AAGAB: variants seen among roughly 807,000 people sequenced by gnomAD.
AAGAB encodes the protein alpha and gamma adaptin binding protein, also known as alpha- and gamma-adaptin-binding protein p34.
Under a neutral mutation model 44.1 loss-of-function variants are expected in AAGAB, and 38 were observed. The ratio of observed to expected loss-of-function variants is 0.86; its 90% CI spans 0.67 to 1.13. The LOEUF is 1.13. AAGAB is among the 50% of genes most tolerant of loss of function. The pLI, the probability that AAGAB is intolerant of heterozygous loss-of-function variation, is 0.00. For synonymous variants in AAGAB, 131 were observed against 131.8 expected (o/e 0.99, Z 0.04); for missense variants, 450 against 373.8 (o/e 1.20, Z -1.68).
intron 5 of AAGAB, among the ~76,000 whole-genome samples, chr15:67,216,217 G>A (rs1963941197): frequency 6.6e-6 from 1 of 152,028 alleles, no homozygotes; most frequent in South Asian, 2.1e-4. Context: ...GCCGAGGCAG[G>A]AGGATCACGA....
intron 5 of AAGAB, among the ~76,000 whole-genome samples, chr15:67,229,613 G>C (rs1964288750): frequency 6.6e-6 from 1 of 152,098 alleles, no homozygotes; most frequent in African/African-American, 2.4e-5. Context: ...GATGGAGAGA[G>C]GGGAAGAAAA....
intron 1 of AAGAB, among the ~76,000 whole-genome samples, chr15:67,244,432 A>T (rs1285268107): frequency 6.6e-6 from 1 of 152,214 alleles, no homozygotes; most frequent in South Asian, 2.1e-4. Flanking sequence ...TGCAAATTAT[A>T]TATCAATAAG....
intron 1 of AAGAB, among the ~76,000 whole-genome samples, chr15:67,239,416 C>T (rs1343626255): frequency 6.6e-6 from 1 of 152,162 alleles, no homozygotes; most frequent in African/African-American, 2.4e-5. Flanking sequence ...ATGATTAAGA[C>T]ATTTACTTAA....
At chr15:67,210,219 T>C in intron 5 of AAGAB, among the ~76,000 whole-genome samples, 1 of 152,134 alleles carries the variant, frequency 6.6e-6, no homozygotes, top group Admixed American at 6.5e-5. Flanking sequence ...TGAATGCTTT[T>C]TGAAAAAAGT....
chr15:67,254,615 G>T lies in AAGAB; in HGVS notation c.17C>A (p.Pro6His). The T allele has an allele frequency of 3.1e-6, 5 of 1,606,296 alleles. No individual in the cohort carries two copies. The highest frequency in any genetic ancestry group is 2.2e-5 in the East Asian group (1 of 44,576). The stretch of plus-strand genomic sequence containing the variant: ...GGAGCAGCTGGTGACTAACGCACAG[G>T]GTACGCCAGCAGCCATAGCTGCGCT... MAAGV[P>H]CALVTSCSSV... Residue 6 changes from proline to histidine, a missense_variant, in exon 1 of 10, where the codon CCC becomes CAC. By Grantham distance (77) the Pro-to-His change is moderately conservative. Transcript: ENST00000261880.
At chr15:67,218,243 C>T (rs1963995028) in intron 5 of AAGAB, among the ~76,000 whole-genome samples, 1 of 152,192 alleles carries the variant, frequency 6.6e-6, no homozygotes, top group East Asian at 1.9e-4. Flanking sequence ...TTGCTCTCTC[C>T]TCCACGGTGG....
chr15:67,227,168 AACTAG>A (rs1964224411), intron 5 of AAGAB, among the ~76,000 whole-genome samples: 1 of 152,248 alleles, frequency 6.6e-6, no homozygotes, highest in South Asian at 2.1e-4. Flanking sequence ...AATAAATACT[AACTAG>A]ACAATACATA....
intron 5 of AAGAB, among the ~76,000 whole-genome samples, chr15:67,212,004 C>A (rs866495602): frequency 1.3e-5 from 2 of 152,140 alleles, no homozygotes; most frequent in African/African-American, 2.4e-5. Flanking sequence ...CTCAGCCTCC[C>A]GAGTAGCCGG....
At chr15:67,214,490 G>C (rs1963895773) in intron 5 of AAGAB, among the ~76,000 whole-genome samples, 3 of 152,140 alleles carry the variant, frequency 2.0e-5, no homozygotes, top group African/African-American at 7.2e-5. Flanking sequence ...GGAAAGAGGG[G>C]TGTCCTGTGC....
intron 1 of AAGAB, among the ~76,000 whole-genome samples, chr15:67,243,665 C>T (rs567408324): frequency 2.0e-5 from 3 of 152,298 alleles, no homozygotes; most frequent in African/African-American, 4.8e-5. Flanking sequence ...ATACCCTGAT[C>T]TACAGCAAAG....
chr15:67,228,261 G>A (rs1964250344), intron 5 of AAGAB, among the ~76,000 whole-genome samples: 1 of 152,140 alleles, frequency 6.6e-6, no homozygotes, highest in African/African-American at 2.4e-5. Flanking sequence ...AATATAACAA[G>A]CACCATTGAA....
intron 5 of AAGAB, among the ~76,000 whole-genome samples, chr15:67,223,378 T>C (rs944865297): frequency 6.6e-6 from 1 of 152,230 alleles, no homozygotes. Flanking sequence ...GTTAGCTTCA[T>C]CTTGTAGCTG....
chr15:67,249,406 A>G (rs571326407), intron 1 of AAGAB, among the ~76,000 whole-genome samples: 9 of 152,278 alleles, frequency 5.9e-5, no homozygotes, highest in African/African-American at 1.9e-4. Context: ...TTTAATGTTA[A>G]TCCTGTACGG....
chr15:67,233,183 T>C (rs1964381730), intron 4 of AAGAB, among the ~76,000 whole-genome samples: 1 of 152,232 alleles, frequency 6.6e-6, no homozygotes, highest in Admixed American at 6.5e-5. Flanking sequence ...TAATAAGTGT[T>C]ATTTTTGATC....
intron 4 of AAGAB, among the ~76,000 whole-genome samples, chr15:67,233,392 T>C (rs1964387628): frequency 1.3e-5 from 2 of 152,278 alleles, no homozygotes; most frequent in Admixed American, 6.5e-5. Flanking sequence ...AAAAAGGTGG[T>C]ATTCTTAACT....
intron 5 of AAGAB, among the ~76,000 whole-genome samples, chr15:67,216,882 A>G (rs2140355327): frequency 1.3e-5 from 2 of 152,342 alleles, no homozygotes; most frequent in Middle Eastern, 6.8e-3. Context: ...CAGTGCCTCC[A>G]GGGTAACTAA....
At chr15:67,246,599 A>C (rs1964728923) in intron 1 of AAGAB, among the ~76,000 whole-genome samples, 1 of 152,200 alleles carries the variant, frequency 6.6e-6, no homozygotes, top group Admixed American at 6.5e-5. Context: ...TCCTGGGTCG[A>C]GTGGGGACTA....
intron 5 of AAGAB, among the ~76,000 whole-genome samples, chr15:67,220,021 T>C (rs1365228815): frequency 6.6e-6 from 1 of 152,172 alleles, no homozygotes; most frequent in Non-Finnish European, 1.5e-5. Flanking sequence ...AAGAGAATAA[T>C]AACCTGTTGT....
chr15:67,206,874 A>G (rs969425812), intron 7 of AAGAB, among the ~76,000 whole-genome samples: 8 of 152,118 alleles, frequency 5.3e-5, no homozygotes, highest in Non-Finnish European at 1.0e-4. Flanking sequence ...CTTTTATTGG[A>G]GAATGGTATT....
Sources: gnomAD v4.1 joint callset for allele counts (sites outside exome capture counted in the v4.1 genomes callset) on GRCh38, gnomAD v4.1.1 for gene constraint, MANE v1.5 for transcripts, NCBI Gene and HGNC (gene_info 2026-07-23, HGNC 2026-07-21) for gene names.